Variants in KCND2 observed in about 807,000 individuals in gnomAD.
KCND2 encodes the protein potassium voltage-gated channel subfamily D member 2, also known as A-type voltage-gated potassium channel KCND2.
KCND2 carries 16 observed loss-of-function variants against 54.4 expected under a neutral mutation model. The ratio of observed to expected loss-of-function variants is 0.29; its 90% CI spans 0.20 to 0.45. The LOEUF (loss-of-function observed/expected upper bound fraction) is 0.45, where lower values mean the gene tolerates loss of function less well. Among genes scored for constraint, KCND2 ranks in the 20% least tolerant of loss-of-function variants. The pLI is 1.00. For missense variants in KCND2, 486 were observed against 824.2 expected (o/e 0.59, Z 5.02); for synonymous variants, 317 against 310.7 (o/e 1.02, Z -0.21).
intron 2 of KCND2, among the ~76,000 whole-genome samples, chr7:120,737,093 AC>A (rs1458803493): frequency 3.9e-4 from 58 of 148,330 alleles, no homozygotes; most frequent in Middle Eastern, 3.5e-3. Flanking sequence ...AAAAAAAAAA[AC>A]AAAACAAAAA....
chr7:120,474,909 C>A (rs888373759), intron 1 of KCND2, among the ~76,000 whole-genome samples: 1 of 152,092 alleles, frequency 6.6e-6, no homozygotes, highest in Non-Finnish European at 1.5e-5. Context: ...GAGATGGAGT[C>A]TTGCTATGTT....
chr7:120,741,446 C>G (rs1481113304), intron 2 of KCND2, 88 bp from the exon 3 acceptor site: 2 of 894,224 alleles, frequency 2.2e-6, no homozygotes, highest in South Asian at 1.4e-5. Flanking sequence ...AATATGTAGG[C>G]TGACAATAGG....
rs756055062 is a variant in KCND2, at chr7:120,745,774, G to A, written c.1468-6G>A. On this transcript the variant is annotated splice_polypyrimidine_tract_variant and splice_region_variant and intron_variant, in intron 4 of 5. Transcript: ENST00000331113. ...GTTTCTTCATTTACTTACAACTGTG[G>A]AACAGAATCACGAGTTTGTGGACGA... The A allele has an allele frequency of 1.9e-6, 3 of 1,613,478 alleles. No homozygotes were observed. The East Asian group carries it at 6.7e-5, about 36-fold the overall frequency.
At chr7:120,560,309 T>C (rs988909136) in intron 1 of KCND2, among the ~76,000 whole-genome samples, 3 of 152,180 alleles carry the variant, frequency 2.0e-5, no homozygotes, top group Non-Finnish European at 2.9e-5. Context: ...TATTCAGTAG[T>C]TTTAAAAGGC....
At chr7:120,362,650 C>T (rs1457195351) in intron 1 of KCND2, among the ~76,000 whole-genome samples, 2 of 151,890 alleles carry the variant, frequency 1.3e-5, no homozygotes, top group Non-Finnish European at 2.9e-5. Flanking sequence ...GATGACTGAC[C>T]TTTTGAAAGT....
chr7:120,408,274 G>A (rs1308441347), intron 1 of KCND2, among the ~76,000 whole-genome samples: 1 of 151,910 alleles, frequency 6.6e-6, no homozygotes, highest in Non-Finnish European at 1.5e-5. Context: ...TAGGAACAGT[G>A]CAGGAAGACG....
chr7:120,310,965 A>G (rs1053452201), intron 1 of KCND2, among the ~76,000 whole-genome samples: 1 of 151,640 alleles, frequency 6.6e-6, no homozygotes, highest in Non-Finnish European at 1.5e-5. Flanking sequence ...GAAAGAAAAG[A>G]AAACTCTGTA....
chr7:120,460,632 T>A (rs1802270547), intron 1 of KCND2, among the ~76,000 whole-genome samples: 1 of 151,872 alleles, frequency 6.6e-6, no homozygotes, highest in South Asian at 2.1e-4. Flanking sequence ...ATCCATTTAT[T>A]TCGAACCTGT....
chr7:120,489,757 G>A (rs1322410748), intron 1 of KCND2, among the ~76,000 whole-genome samples: 1 of 152,112 alleles, frequency 6.6e-6, no homozygotes, highest in Non-Finnish European at 1.5e-5. Flanking sequence ...CATCCTGAAG[G>A]TACACAGAGG....
chr7:120,332,952 C>G (rs1800089598), intron 1 of KCND2, among the ~76,000 whole-genome samples: 1 of 152,096 alleles, frequency 6.6e-6, no homozygotes, highest in African/African-American at 2.4e-5. Context: ...CATTCAAAAT[C>G]ATTTCACCTT....
At chr7:120,692,867 T>G (rs1442899551) in intron 1 of KCND2, among the ~76,000 whole-genome samples, 2 of 152,260 alleles carry the variant, frequency 1.3e-5, no homozygotes, top group Non-Finnish European at 2.9e-5. Flanking sequence ...TATTTTCTAT[T>G]GATTGGTTGT....
intron 1 of KCND2, among the ~76,000 whole-genome samples, chr7:120,416,749 ACT>A (rs925855390): frequency 3.1e-4 from 47 of 150,054 alleles, no homozygotes; most frequent in African/African-American, 1.1e-3. Context: ...AGGGAAAGAA[ACT>A]CTCTCTGGAG....
chr7:120,590,754 G>C (rs1487703403), intron 1 of KCND2, among the ~76,000 whole-genome samples: 1 of 152,000 alleles, frequency 6.6e-6, no homozygotes, highest in African/African-American at 2.4e-5. Flanking sequence ...ATATATAGCT[G>C]TACTGGCTTG....
chr7:120,330,413 C>G (rs943302895), intron 1 of KCND2, among the ~76,000 whole-genome samples: 1 of 151,762 alleles, frequency 6.6e-6, no homozygotes, highest in African/African-American at 2.4e-5. Flanking sequence ...AACCCTGTCT[C>G]TACTAAAAAT....
intron 1 of KCND2, among the ~76,000 whole-genome samples, chr7:120,584,509 GA>G (rs1024801872): frequency 1.3e-5 from 2 of 152,178 alleles, no homozygotes; most frequent in Non-Finnish European, 2.9e-5. Context: ...AACTATCAGT[GA>G]AAAAAAGTTG....
At chr7:120,573,995 C>G (rs914006465) in intron 1 of KCND2, among the ~76,000 whole-genome samples, 1 of 152,118 alleles carries the variant, frequency 6.6e-6, no homozygotes, top group Admixed American at 6.6e-5. Context: ...ACAAGTAAGT[C>G]TCTGCACTTT....
chr7:120,602,407 C>A (rs1024986473), intron 1 of KCND2, among the ~76,000 whole-genome samples: 2 of 152,062 alleles, frequency 1.3e-5, no homozygotes, highest in Admixed American at 6.6e-5. Context: ...AGGCTTCCTG[C>A]AATCATCTAT....
chr7:120,551,706 G>A (rs1056452343), intron 1 of KCND2, among the ~76,000 whole-genome samples: 3 of 152,124 alleles, frequency 2.0e-5, no homozygotes, highest in Non-Finnish European at 4.4e-5. Context: ...TAACTTTCCT[G>A]CTATCAAACT....
At chr7:120,636,609 G>A (rs947671239) in intron 1 of KCND2, among the ~76,000 whole-genome samples, 7 of 152,010 alleles carry the variant, frequency 4.6e-5, no homozygotes, top group Admixed American at 1.3e-4. Flanking sequence ...AAGTGAAGCT[G>A]TACTTTTCTC....
Sources: gnomAD v4.1 joint callset for allele counts (sites outside exome capture counted in the v4.1 genomes callset) on GRCh38, gnomAD v4.1.1 for gene constraint, MANE v1.5 for transcripts, NCBI Gene and HGNC (gene_info 2026-07-23, HGNC 2026-07-21) for gene names.